NRG1: variants seen among roughly 807,000 people sequenced by gnomAD.
The protein encoded by NRG1 is neuregulin 1.
Under a neutral mutation model 63.8 loss-of-function variants are expected in NRG1, and 18 were observed. The observed-to-expected ratio is 0.28, with a 90% CI of 0.19 to 0.42. NRG1 has a LOEUF of 0.42. Ranked by LOEUF, NRG1 falls within the 10% of genes least tolerant of loss-of-function variation. The pLI is 1.00. For missense variants in NRG1, 762 were observed against 814.7 expected, an observed-to-expected ratio of 0.94 and a Z score of 0.79; for synonymous variants, 302 against 301.3, an observed-to-expected ratio of 1.00 and a Z score of -0.02.
At chr8:31,663,120 C>T (rs1411113874) in intron 1 of NRG1, among the ~76,000 whole-genome samples, 1 of 152,116 alleles carries the variant, frequency 6.6e-6, no homozygotes, top group Non-Finnish European at 1.5e-5. Flanking sequence ...CTGCCTGTGC[C>T]AGTGTTCTGA....
At chr8:32,420,946 C>T (rs1816637097) in intron 1 of NRG1, among the ~76,000 whole-genome samples, 1 of 152,062 alleles carries the variant, frequency 6.6e-6, no homozygotes, top group South Asian at 2.1e-4. Flanking sequence ...AGGGGCTTCC[C>T]CCTTCACTTG....
At chr8:32,623,892 C>T (rs889865257) in intron 5 of NRG1, among the ~76,000 whole-genome samples, 9 of 152,138 alleles carry the variant, frequency 5.9e-5, no homozygotes, top group East Asian at 1.9e-4. Context: ...TTTGACCTTT[C>T]GTACTGGTTG....
At chr8:32,568,693 C>T (rs1270043398) in intron 1 of NRG1, among the ~76,000 whole-genome samples, 6 of 152,094 alleles carry the variant, frequency 3.9e-5, no homozygotes, top group African/African-American at 7.2e-5. Flanking sequence ...TTCTAATGTT[C>T]GCCAAAGTTT....
chr8:32,363,901 T>C (rs1211915690), intron 1 of NRG1, among the ~76,000 whole-genome samples: 6 of 152,034 alleles, frequency 3.9e-5, no homozygotes, highest in Non-Finnish European at 7.4e-5. Flanking sequence ...TGTGGAACTT[T>C]TCTATATTTT....
chr8:31,907,774 T>C (rs1264958049), intron 1 of NRG1, among the ~76,000 whole-genome samples: 3 of 152,158 alleles, frequency 2.0e-5, no homozygotes, highest in African/African-American at 7.2e-5. Context: ...TTGCAAACAA[T>C]CAATACTCAA....
intron 1 of NRG1, among the ~76,000 whole-genome samples, chr8:31,996,831 A>G (rs1327841161): frequency 6.6e-6 from 1 of 151,958 alleles, no homozygotes; most frequent in East Asian, 1.9e-4. Flanking sequence ...TGAGTAAGGT[A>G]TTACTATTTG....
intron 1 of NRG1, among the ~76,000 whole-genome samples, chr8:31,889,868 C>T (rs868307447): frequency 2.0e-5 from 3 of 151,938 alleles, no homozygotes; most frequent in Non-Finnish European, 2.9e-5. Context: ...AAGCACATCT[C>T]GGAGAAGTGA....
intron 1 of NRG1, among the ~76,000 whole-genome samples, chr8:32,415,991 A>G (rs150724875): frequency 1.3e-5 from 2 of 152,316 alleles, no homozygotes; most frequent in African/African-American, 4.8e-5. Flanking sequence ...GATAGGAATG[A>G]CAATACACTG....
At chr8:32,316,047 A>C (rs1254385222) in intron 1 of NRG1, among the ~76,000 whole-genome samples, 5 of 149,412 alleles carry the variant, frequency 3.3e-5, no homozygotes, top group Admixed American at 3.3e-4. Context: ...AATACATGAT[A>C]TCTGAGGACA....
At chr8:32,511,373 A>G (rs879658585) in intron 1 of NRG1, among the ~76,000 whole-genome samples, 16,020 of 119,114 alleles carry the variant, frequency 0.13, 1,214 homozygotes, top group Admixed American at 0.28. Context: ...ATGTGTATAT[A>G]TATATATATA....
chr8:32,550,269 A>G (rs1281811745), intron 1 of NRG1, among the ~76,000 whole-genome samples: 2 of 152,002 alleles, frequency 1.3e-5, no homozygotes, highest in Non-Finnish European at 2.9e-5. Flanking sequence ...TTTACCCTAT[A>G]TTTTGGGGAG....
At chr8:32,062,029 C>G (rs537106817) in intron 1 of NRG1, among the ~76,000 whole-genome samples, 3 of 151,956 alleles carry the variant, frequency 2.0e-5, no homozygotes, top group Non-Finnish European at 4.4e-5. Context: ...GTCTCTTAGC[C>G]AAGTGTAGAG....
At chr8:31,720,481 C>G (rs1474493460) in intron 1 of NRG1, among the ~76,000 whole-genome samples, 1 of 152,122 alleles carries the variant, frequency 6.6e-6, no homozygotes, top group Non-Finnish European at 1.5e-5. Context: ...TCCCTCCCAC[C>G]CCTCAACAGT....
At chr8:31,980,524 C>T (rs1210728933) in intron 1 of NRG1, among the ~76,000 whole-genome samples, 1 of 152,022 alleles carries the variant, frequency 6.6e-6, no homozygotes. Flanking sequence ...ATGCTTTCAT[C>T]TGTATCCACT....
intron 1 of NRG1, among the ~76,000 whole-genome samples, chr8:31,939,553 G>A (rs1469188369): frequency 1.3e-5 from 2 of 150,342 alleles, no homozygotes; most frequent in African/African-American, 4.9e-5. Context: ...GATGAATAGA[G>A]TAGTATCTCA....
At chr8:32,598,754 T>G (rs1461958321) in intron 2 of NRG1, among the ~76,000 whole-genome samples, 1 of 152,156 alleles carries the variant, frequency 6.6e-6, no homozygotes, top group Non-Finnish European at 1.5e-5. Context: ...CTTATCAGTT[T>G]TTAGAATTGG....
Position 32,742,903 on chromosome 8 carries a change from A to G in NRG1, c.691+170A>G. 2.0e-6 allele frequency: 3 copies of G among 1,524,164 alleles called. No individual in the cohort carries two copies. The highest frequency in any genetic ancestry group is 2.6e-5 in the South Asian group (2 of 78,160). The allele number at this position is 1,524,164 out of a possible 1,614,324, so 94.4% of individuals were successfully genotyped here. A position where few individuals can be genotyped will look rare whatever the true frequency, so the allele number is the denominator to read the frequency against. ...TGAGAACATTAACAAAAGCAATTGT[A>G]TTACTTCCTCTGTTCGCGACTAGTT... On this transcript the variant is annotated intron_variant, in intron 7 of 11. Coordinates refer to ENST00000356819, the Ensembl canonical transcript of NRG1. The surrounding 1 kb of genome is among the most constrained non-coding windows in gnomAD (Gnocchi z 4.2).
chr8:32,675,165 T>C (rs890846470), intron 5 of NRG1, among the ~76,000 whole-genome samples: 1 of 152,230 alleles, frequency 6.6e-6, no homozygotes, highest in African/African-American at 2.4e-5. Flanking sequence ...CATTTATATA[T>C]GTTCTGGTGA....
exon 1 of NRG1, chr8:32,548,390 G>C (rs1833371726): frequency 1.9e-6 from 2 of 1,058,844 alleles, no homozygotes; most frequent in African/African-American, 3.4e-5. Context: ...GCGTGAGCAG[G>C]ACGGTGATAA....
Sources: allele counts gnomAD v4.1 joint callset (sites outside exome capture counted in the v4.1 genomes callset), GRCh38; gene constraint gnomAD v4.1.1; non-coding constraint Gnocchi (gnomAD v3.1); transcripts MANE v1.5; gene names NCBI Gene and HGNC (gene_info 2026-07-23, HGNC 2026-07-21).